The following CAMK2D variants were observed in gnomAD, a reference collection of about 807,000 sequenced individuals.
CAMK2D encodes the protein calcium/calmodulin-dependent protein kinase type II subunit delta.
CAMK2D carries 37 observed loss-of-function variants against 84.0 expected under a neutral mutation model. That is an observed-to-expected ratio of 0.44 (90% confidence interval 0.34 to 0.58). The LOEUF is 0.58. Ranked by LOEUF, CAMK2D falls within the 20% of genes least tolerant of loss-of-function variation. CAMK2D has a pLI of 0.02. For synonymous variants in CAMK2D, 202 were observed against 212.5 expected (o/e 0.95, Z 0.43); for missense variants, 448 against 652.5 (o/e 0.69, Z 3.41).
At chr4:113,649,742 A>C (rs546463728) in intron 3 of CAMK2D, among the ~76,000 whole-genome samples, 2 of 152,340 alleles carry the variant, frequency 1.3e-5, no homozygotes, top group South Asian at 4.1e-4. Context: ...CTTTAGCTAC[A>C]ACAGAGTTAG....
intron 16 of CAMK2D, among the ~76,000 whole-genome samples, chr4:113,467,196 C>T (rs1411245825): frequency 6.6e-6 from 1 of 152,114 alleles, no homozygotes; most frequent in African/African-American, 2.4e-5. Flanking sequence ...ATGTTACTTC[C>T]CATCTTATCT....
intron 8 of CAMK2D, among the ~76,000 whole-genome samples, chr4:113,525,530 T>G (rs909876027): frequency 2.0e-5 from 3 of 152,212 alleles, no homozygotes; most frequent in African/African-American, 7.2e-5. Flanking sequence ...TTTCCAGTAA[T>G]GGAATAGTTG....
chr4:113,464,360 T>C (rs558573812), intron 17 of CAMK2D, among the ~76,000 whole-genome samples: 4 of 152,372 alleles, frequency 2.6e-5, no homozygotes, highest in Admixed American at 1.3e-4. Flanking sequence ...AATTTTGATA[T>C]ATGTTTTGCA....
At chr4:113,594,735 GCA>G (rs1423834323) in intron 4 of CAMK2D, among the ~76,000 whole-genome samples, 1 of 152,064 alleles carries the variant, frequency 6.6e-6, no homozygotes, top group Non-Finnish European at 1.5e-5. Context: ...AAACTGAAGA[GCA>G]AAGGAAGAAA....
At chr4:113,574,731 A>G (rs958626957) in intron 4 of CAMK2D, among the ~76,000 whole-genome samples, 2 of 152,244 alleles carry the variant, frequency 1.3e-5, no homozygotes, top group African/African-American at 4.8e-5. Context: ...GATCTTATTG[A>G]GAACAACATT....
rs751432544 is a variant in CAMK2D, at chr4:113,457,392, T to A, written c.1478A>T (p.Asp493Val). ...AAAATGAACATTCTGCCACTTTCCA[T>A]CCCGGCGGTGCCACACACGAGTCTC... Reference protein sequence around the residue: ...SEETRVWHRRDGKWQNVHFHR... With the variant: ...SEETRVWHRRVGKWQNVHFHR... The change falls in exon 19 of 21, where the codon GAT (aspartate) becomes GTT (valine). Residue 493 changes from aspartate to valine, a missense_variant. Coordinates refer to ENST00000511664, the MANE Select transcript of CAMK2D (RefSeq NM_001321571.2). 2.5e-6 allele frequency: 4 copies of A among 1,613,834 alleles called. No individual in the cohort carries two copies. The highest frequency in any genetic ancestry group is 3.4e-6 in the Non-Finnish European group (4 of 1,179,792).
At position 113,462,338 on chromosome 4, in the gene CAMK2D, G is replaced by GTCTATCTATCTATCTATCTA. The variant is rs1215010791; in HGVS notation, c.1212-2117_1212-2098dup. 1.3e-3 allele frequency among the ~76,000 whole-genome samples: 168 copies of GTCTATCTATCTATCTATCTA among 130,474 alleles called. 2 individuals are homozygous for GTCTATCTATCTATCTATCTA. The highest frequency in any genetic ancestry group is 2.9e-3 in the African/African-American group (97 of 33,554). The allele number at this position is 130,474 out of a possible 152,430, so 85.6% of individuals were successfully genotyped here. A position where few individuals can be genotyped will look rare whatever the true frequency, so the allele number is the denominator to read the frequency against. ...TGTCTGTCTGTCTGTCTGTCTGTCT[G>GTCTATCTATCTATCTATCTA]TCTATCTATCTATCTATCTATCTAT... On this transcript the variant is annotated intron_variant, in intron 17 of 20. Transcript: ENST00000511664.
intron 2 of CAMK2D, among the ~76,000 whole-genome samples, chr4:113,751,970 T>TA (rs2099618369): frequency 6.6e-6 from 1 of 152,074 alleles, no homozygotes; most frequent in African/African-American, 2.4e-5. Context: ...AAATACAATT[T>TA]ACCTAGAAAA....
Position 113,513,296 on chromosome 4 carries a change from G to T in CAMK2D, c.946+32C>A, listed in dbSNP as rs762846491. ...AGAGACTACTTAAAAAGAAGACCAA[G>T]GGATAAGAAGCAGAGTTCCCAATGC... On this transcript the variant is annotated intron_variant, in intron 12 of 20. Transcript: ENST00000511664. 4.4e-6 allele frequency: 7 copies of T among 1,607,836 alleles called. No homozygotes were observed. In the South Asian group the frequency reaches 7.8e-5, roughly 18 times the overall value.
At chr4:113,549,443 C>T (rs1324494281) in intron 5 of CAMK2D, among the ~76,000 whole-genome samples, 1 of 152,206 alleles carries the variant, frequency 6.6e-6, no homozygotes, top group East Asian at 1.9e-4. Context: ...ATTAAACCCA[C>T]TTCCATACAC....
chr4:113,457,220 G>T, intron 19 of CAMK2D, 115 bp downstream of exon 19: 1 of 1,469,778 alleles, frequency 6.8e-7, no homozygotes. Flanking sequence ...ATTTTCATCA[G>T]TGTAACCAAC....
At chr4:113,680,397 A>G (rs940357529) in intron 2 of CAMK2D, among the ~76,000 whole-genome samples, 1 of 152,218 alleles carries the variant, frequency 6.6e-6, no homozygotes, top group African/African-American at 2.4e-5. Flanking sequence ...GTGAGGTGCC[A>G]CAAGAGGGAG....
intron 19 of CAMK2D, chr4:113,456,854 T>C (rs2097309402): frequency 6.4e-6 from 1 of 156,116 alleles, no homozygotes; most frequent in Non-Finnish European, 1.4e-5. Flanking sequence ...GGTAGAGTGG[T>C]GAGGTGAGAA....
intron 18 of CAMK2D, among the ~76,000 whole-genome samples, chr4:113,458,663 A>T (rs1375263041): frequency 1.4e-4 from 22 of 152,200 alleles, no homozygotes; most frequent in Admixed American, 1.4e-3. Context: ...AAATTTTGTT[A>T]AAGAGAATTT....
At chr4:113,462,525 A>T (rs2097400505) in intron 17 of CAMK2D, among the ~76,000 whole-genome samples, 1 of 152,152 alleles carries the variant, frequency 6.6e-6, no homozygotes, top group Non-Finnish European at 1.5e-5. Flanking sequence ...TCTCGAATGG[A>T]AGCCCTGTTG....
At chr4:113,515,260 T>C (rs1042484889) in intron 9 of CAMK2D, 69 bp from the exon 10 acceptor site, 35 of 1,002,042 alleles carry the variant, frequency 3.5e-5, no homozygotes, top group Non-Finnish European at 3.8e-5. Context: ...AAGAGTCAAC[T>C]ACATGAATCA....
intron 2 of CAMK2D, among the ~76,000 whole-genome samples, chr4:113,699,050 G>C (rs1312298689): frequency 6.6e-6 from 1 of 152,034 alleles, no homozygotes; most frequent in South Asian, 2.1e-4. Context: ...TAGAAGAAAT[G>C]ATGTTTCTCA....
rs190648726 is a variant in CAMK2D, at chr4:113,711,075, A to C, written c.160+48245T>G. ...GTTAAAGAGCCTTTAGGTTGAATAAAATTCACTGAATTTTAGATTTCAATG... is the reference window on the plus strand; with the variant it reads ...GTTAAAGAGCCTTTAGGTTGAATAACATTCACTGAATTTTAGATTTCAATG... On this transcript the variant is annotated intron_variant, in intron 2 of 20. Transcript: ENST00000511664. 1.9e-3 allele frequency among the ~76,000 whole-genome samples: 286 copies of C among 151,428 alleles called. 1 individual carries two copies. Among genetic ancestry groups the C allele is most frequent in the African/African-American group, 6.7e-3 (279 of 41,440 alleles).
intron 16 of CAMK2D, among the ~76,000 whole-genome samples, chr4:113,483,726 C>T (rs950845752): frequency 1.3e-5 from 2 of 151,966 alleles, no homozygotes; most frequent in African/African-American, 4.8e-5. Flanking sequence ...TTTTAATGCA[C>T]ATATTATTTC....
Sources: allele counts gnomAD v4.1 joint callset (sites outside exome capture counted in the v4.1 genomes callset), GRCh38; gene constraint gnomAD v4.1.1; transcripts MANE v1.5; gene names NCBI Gene and HGNC (gene_info 2026-07-23, HGNC 2026-07-21).